RBM33: variants seen among roughly 807,000 people sequenced by gnomAD.
RBM33 encodes RNA binding motif protein 33, also known as RNA-binding protein 33.
RBM33 carries 28 observed loss-of-function variants against 132.6 expected under a neutral mutation model. The ratio of observed to expected loss-of-function variants is 0.21; its 90% CI spans 0.16 to 0.29. RBM33 has a LOEUF of 0.29. Among genes scored for constraint, RBM33 ranks in the 10% least tolerant of loss-of-function variants. The pLI is 1.00. For synonymous variants in RBM33, 634 were observed against 593.0 expected, an observed-to-expected ratio of 1.07 and a Z score of -1.01; for missense variants, 1,291 against 1,518.5, an observed-to-expected ratio of 0.85 and a Z score of 2.49.
At chr7:155,735,036 G>A (rs1026249983) in intron 9 of RBM33, among the ~76,000 whole-genome samples, 3 of 152,188 alleles carry the variant, frequency 2.0e-5, no homozygotes, top group Admixed American at 6.5e-5. Flanking sequence ...GGATGAGGCC[G>A]CTGTAAGTTG....
chr7:155,754,591 C>A (rs899881780), intron 14 of RBM33, among the ~76,000 whole-genome samples: 1 of 152,196 alleles, frequency 6.6e-6, no homozygotes, highest in Non-Finnish European at 1.5e-5. Flanking sequence ...ATTGGAGAAT[C>A]CTGGGGTATG....
At chr7:155,759,749 G>T (rs938385773) in intron 14 of RBM33, among the ~76,000 whole-genome samples, 4 of 152,174 alleles carry the variant, frequency 2.6e-5, no homozygotes, top group Non-Finnish European at 5.9e-5. Context: ...CATACACATT[G>T]TATACCTTAC....
At chr7:155,768,077 G>C (rs1585549963) in intron 16 of RBM33, among the ~76,000 whole-genome samples, 1 of 152,200 alleles carries the variant, frequency 6.6e-6, no homozygotes, top group Non-Finnish European at 1.5e-5. Context: ...TCTTTGGGGC[G>C]ATCTGCACTT....
At chr7:155,744,323 T>C (rs540857355) in intron 13 of RBM33, among the ~76,000 whole-genome samples, 2 of 152,366 alleles carry the variant, frequency 1.3e-5, no homozygotes, top group Non-Finnish European at 2.9e-5. Context: ...TTCAAAGATT[T>C]TTTTGTATCG....
chr7:155,712,040 A>C (rs1800319735), intron 8 of RBM33, among the ~76,000 whole-genome samples: 1 of 152,198 alleles, frequency 6.6e-6, no homozygotes, highest in Non-Finnish European at 1.5e-5. Flanking sequence ...CTTATTGTAT[A>C]ATTGAGTGGA....
chr7:155,662,791 G>T (rs559366530), intron 1 of RBM33, among the ~76,000 whole-genome samples: 2 of 152,202 alleles, frequency 1.3e-5, no homozygotes, highest in South Asian at 4.1e-4. Context: ...CCAGAATTCA[G>T]CCTCAACAAT....
At chr7:155,683,997 G>A (rs975834777) in intron 5 of RBM33, among the ~76,000 whole-genome samples, 5 of 152,150 alleles carry the variant, frequency 3.3e-5, no homozygotes, top group Admixed American at 1.3e-4. Flanking sequence ...CCTGCTGCCC[G>A]TGATTCATGG....
chr7:155,669,963 C>A (rs1798902421), intron 2 of RBM33, among the ~76,000 whole-genome samples: 1 of 152,156 alleles, frequency 6.6e-6, no homozygotes, highest in Non-Finnish European at 1.5e-5. Context: ...CGCAATCCAG[C>A]CACAGAGCAG....
intron 1 of RBM33, among the ~76,000 whole-genome samples, chr7:155,650,366 T>G (rs763701636): frequency 3.3e-5 from 5 of 152,258 alleles, no homozygotes; most frequent in Admixed American, 6.5e-5. Flanking sequence ...GCATCTGTTG[T>G]GATTATGTGT....
At chr7:155,659,062 A>G (rs778473184) in intron 1 of RBM33, among the ~76,000 whole-genome samples, 22 of 152,362 alleles carry the variant, frequency 1.4e-4, no homozygotes, top group Non-Finnish European at 2.1e-4. Flanking sequence ...GTAGTTTTAA[A>G]AAGCCATTAA....
At chr7:155,673,539 C>T (rs1585420091) in intron 3 of RBM33, among the ~76,000 whole-genome samples, 1 of 120,456 alleles carries the variant, frequency 8.3e-6, no homozygotes, top group Admixed American at 8.3e-5. Context: ...CACATATATA[C>T]ATACACACGT....
In RBM33 at chr7:155,737,625, A is replaced by G. The variant is rs779873972; in HGVS notation, c.1356A>G (p.Pro452=). 9.7e-6 allele frequency: 15 copies of G among 1,547,628 alleles called. No homozygotes were observed. In the Admixed American group the frequency reaches 1.1e-4, roughly 11 times the overall value. The change falls in exon 10 of 18, where the codon CCA becomes CCG. Residue 452 remains proline, a synonymous_variant. Coordinates refer to ENST00000401878, the MANE Select transcript of RBM33 (RefSeq NM_053043.3). The part of the protein sequence containing the change: ...RLPLQDQWRA[P]PPPQDRDPFF... ...CTCTCCAGGACCAGTGGAGAGCCCC[A>G]CCCCCGCCTCAGGATCGAGACCCTT...
intron 1 of RBM33, among the ~76,000 whole-genome samples, chr7:155,663,768 C>G: frequency 6.6e-6 from 1 of 152,230 alleles, no homozygotes; most frequent in East Asian, 1.9e-4. Context: ...TCTGGCCCTA[C>G]CTACCCCAAC....
intron 9 of RBM33, among the ~76,000 whole-genome samples, chr7:155,733,967 C>T (rs1402036943): frequency 6.6e-6 from 1 of 152,234 alleles, no homozygotes; most frequent in Non-Finnish European, 1.5e-5. Flanking sequence ...GAGCACCTCC[C>T]AGGTTCCAGA....
chr7:155,698,080 T>C (rs1214772990), intron 5 of RBM33, among the ~76,000 whole-genome samples: 2 of 152,244 alleles, frequency 1.3e-5, no homozygotes, highest in African/African-American at 2.4e-5. Flanking sequence ...TTAAAAATTA[T>C]ACAGAAGGCC....
At chr7:155,760,659 G>C (rs1312358210) in intron 14 of RBM33, among the ~76,000 whole-genome samples, 2 of 152,192 alleles carry the variant, frequency 1.3e-5, no homozygotes, top group Admixed American at 6.5e-5. Flanking sequence ...AAAGATGAGG[G>C]TATGTGGTAT....
rs1302534091 is a variant in RBM33, at chr7:155,777,426, T to C, written c.*2385T>C. The C allele has an allele frequency of 1.3e-5, 2 of 152,212 alleles. No homozygotes were observed. 9.4% of individuals were successfully genotyped at this position (152,212 alleles called of 1,614,324 possible). ...AATACCCACAACCATCGAAAATGGA[T>C]TCTTAGTACCAGACAATCCCAGTAA... is the stretch of plus-strand genomic sequence containing the variant. On this transcript the variant is annotated 3_prime_UTR_variant, in exon 18 of 18. Coordinates refer to ENST00000401878, the MANE Select transcript of RBM33 (RefSeq NM_053043.3).
intron 14 of RBM33, among the ~76,000 whole-genome samples, chr7:155,748,503 T>C (rs761641464): frequency 6.6e-6 from 1 of 152,260 alleles, no homozygotes; most frequent in African/African-American, 2.4e-5. Context: ...ATATACAATT[T>C]AATTAGGTTT....
rs1022252115 is a variant in RBM33 at position 155,774,909 on chromosome 7, G to A, written c.3465-84G>A. ...GCGTTTTTATTAAACAGGACCCACC[G>A]GGCTCTTTTAGTTTCCTCCCACCTT... On this transcript the variant is annotated intron_variant, in intron 17 of 17. Transcript: ENST00000401878. The surrounding 1 kb of genome is among the most constrained non-coding windows in gnomAD (Gnocchi z 4.2). 1.9e-5 allele frequency: 23 copies of A among 1,239,770 alleles called. No individual in the cohort carries two copies. The highest frequency in any genetic ancestry group is 9.7e-5 in the South Asian group (8 of 82,492). 76.8% of individuals were successfully genotyped at this position (1,239,770 alleles called of 1,614,324 possible).
Sources: allele counts gnomAD v4.1 joint callset (sites outside exome capture counted in the v4.1 genomes callset), GRCh38; gene constraint gnomAD v4.1.1; non-coding constraint Gnocchi (gnomAD v3.1); transcripts MANE v1.5; gene names NCBI Gene and HGNC (gene_info 2026-07-23, HGNC 2026-07-21).